GIGYF2: variants seen among roughly 807,000 people sequenced by gnomAD.
GIGYF2 encodes GRB10-interacting GYF protein 2.
A neutral mutation model predicts 208.1 loss-of-function variants in GIGYF2; 25 were observed. The observed-to-expected ratio is 0.12, with a 90% CI of 0.09 to 0.17. The LOEUF (loss-of-function observed/expected upper bound fraction) is 0.17, where lower values mean the gene tolerates loss of function less well. GIGYF2 is among the 10% of genes least tolerant of loss of function. The pLI is 1.00. For synonymous variants in GIGYF2, 534 were observed against 543.8 expected (o/e 0.98, Z 0.25); for missense variants, 1,302 against 1,579.4 (o/e 0.82, Z 2.98).
intron 20 of GIGYF2, 116 bp from the exon 21 acceptor site, chr2:232,819,711 C>G: frequency 1.5e-6 from 1 of 656,368 alleles, no homozygotes; most frequent in Non-Finnish European, 2.8e-6. Flanking sequence ...TTTATGTTTA[C>G]TGTTTAACAG....
At chr2:232,818,949 TA>T (rs1459130164) in intron 20 of GIGYF2, among the ~76,000 whole-genome samples, 5 of 152,180 alleles carry the variant, frequency 3.3e-5, no homozygotes, top group Non-Finnish European at 7.3e-5. Context: ...CAGCGAGGTA[TA>T]TACTTTTAAT....
rs188332816 is a variant in GIGYF2 at position 232,752,999 on chromosome 2, T to G, written c.268-3224T>G. On this transcript the variant is annotated intron_variant, in intron 5 of 28. Coordinates refer to ENST00000373563, the MANE Select transcript of GIGYF2 (RefSeq NM_001103146.3). The stretch of plus-strand genomic sequence containing the variant: ...TTTTTTGTATTCACTTCAGGGGTGC[T>G]TATGGTGTCTACAACTATCTGTATA... Among the ~76,000 whole-genome samples, 7 of 152,278 alleles carry G rather than the reference T, an allele frequency of 4.6e-5. No homozygotes were observed. The East Asian group carries it at 1.3e-3, about 29-fold the overall frequency.
At chr2:232,768,461 A>G (rs1461444332) in intron 8 of GIGYF2, 1 of 1,614,062 alleles carries the variant, frequency 6.2e-7, no homozygotes, top group African/African-American at 1.3e-5. Flanking sequence ...GCATTGCTGA[A>G]AGGAATACAA....
chr2:232,849,583 C>T (rs922486649), intron 27 of GIGYF2, among the ~76,000 whole-genome samples: 1 of 152,136 alleles, frequency 6.6e-6, no homozygotes, highest in East Asian at 1.9e-4. Context: ...GCACGTGCAC[C>T]CATGGGCGCA....
intron 2 of GIGYF2, among the ~76,000 whole-genome samples, chr2:232,711,944 C>T (rs1360791934): frequency 1.3e-5 from 2 of 149,944 alleles, no homozygotes; most frequent in Admixed American, 1.3e-4. Context: ...AATATAAAAT[C>T]CATTTGTCTA....
intron 8 of GIGYF2, among the ~76,000 whole-genome samples, chr2:232,772,270 C>T (rs1047977794): frequency 2.0e-5 from 3 of 152,022 alleles, no homozygotes; most frequent in African/African-American, 4.8e-5. Flanking sequence ...CAACCATGTT[C>T]GTGGATTCTT....
intron 2 of GIGYF2, among the ~76,000 whole-genome samples, chr2:232,720,715 C>G (rs1574792860): frequency 6.6e-6 from 1 of 152,094 alleles, no homozygotes; most frequent in East Asian, 1.9e-4. Flanking sequence ...CTGCCTCAGC[C>G]TCCTGAATAG....
At chr2:232,753,097 G>GTATTTATT (rs58602448) in intron 5 of GIGYF2, among the ~76,000 whole-genome samples, 9,039 of 143,294 alleles carry the variant, frequency 0.063, 382 homozygotes, top group Non-Finnish European at 0.081. Context: ...ACACTTGACA[G>GTATTTATT]TATTTATTTA....
chr2:232,723,983 C>T (rs1697069686), intron 2 of GIGYF2, among the ~76,000 whole-genome samples: 1 of 151,522 alleles, frequency 6.6e-6, no homozygotes, highest in Admixed American at 6.6e-5. Flanking sequence ...ATACGCCTGC[C>T]TCGGCCTCCG....
chr2:232,775,634 A>T (rs906446958), intron 8 of GIGYF2, among the ~76,000 whole-genome samples: 1 of 152,194 alleles, frequency 6.6e-6, no homozygotes, highest in Non-Finnish European at 1.5e-5. Flanking sequence ...TGGAGGAAAA[A>T]TAGTACCTAT....
intron 6 of GIGYF2, among the ~76,000 whole-genome samples, chr2:232,758,642 A>G (rs1448324954): frequency 6.6e-6 from 1 of 152,212 alleles, no homozygotes; most frequent in Non-Finnish European, 1.5e-5. Context: ...TATCATTAGC[A>G]GGACCGGTGT....
At chr2:232,833,690 A>G (rs1701493686) in intron 22 of GIGYF2, among the ~76,000 whole-genome samples, 1 of 152,196 alleles carries the variant, frequency 6.6e-6, no homozygotes, top group South Asian at 2.1e-4. Context: ...CGCTGCTGAG[A>G]CAAACATAAA....
At chr2:232,850,230 G>A in intron 27 of GIGYF2, 32 bp from the exon 28 acceptor site, 1 of 1,599,418 alleles carries the variant, frequency 6.3e-7, no homozygotes, top group Non-Finnish European at 8.6e-7. Flanking sequence ...TGAATCTGCT[G>A]TGTAATCTCA....
chr2:232,852,714 T>G (rs905345340), intron 28 of GIGYF2, among the ~76,000 whole-genome samples: 6 of 152,142 alleles, frequency 3.9e-5, no homozygotes, highest in African/African-American at 1.4e-4. Flanking sequence ...CAGCCTGAAA[T>G]TTTTTCCAAT....
chr2:232,821,665 T>C (rs974738611), intron 21 of GIGYF2, among the ~76,000 whole-genome samples: 6 of 152,202 alleles, frequency 3.9e-5, no homozygotes, highest in Non-Finnish European at 7.3e-5. Context: ...GGGGATCTTT[T>C]GATAAGCAGA....
At position 232,794,694 on chromosome 2, in the gene GIGYF2, C is replaced by G. The variant is rs978311018; in HGVS notation, c.1283-54C>G. On this transcript the variant is annotated intron_variant, in intron 12 of 28. Transcript: ENST00000373563. ...TGTGCGACTTGATAATGTAGTTAGC[C>G]TTCACAGAAGTCTCTGTATTTCAAA... 1.8e-5 allele frequency: 24 copies of G among 1,367,848 alleles called. No individual in the cohort carries two copies. The Admixed American group carries it at 3.2e-4, about 18-fold the overall frequency. The allele number at this position is 1,367,848 out of a possible 1,614,324, so 84.7% of individuals were successfully genotyped here.
chr2:232,732,935 GT>G (rs1697567809), intron 2 of GIGYF2, among the ~76,000 whole-genome samples: 1 of 151,378 alleles, frequency 6.6e-6, no homozygotes, highest in Admixed American at 6.6e-5. Context: ...CGGCAGTTAT[GT>G]TTTCTTTGAA....
intron 19 of GIGYF2, among the ~76,000 whole-genome samples, chr2:232,816,211 C>G (rs905733265): frequency 6.6e-6 from 1 of 152,284 alleles, no homozygotes; most frequent in Admixed American, 6.5e-5. Context: ...TTTGGAAGAG[C>G]TAAATCTTGA....
At chr2:232,714,619 C>G (rs1221073333) in intron 2 of GIGYF2, among the ~76,000 whole-genome samples, 1 of 152,148 alleles carries the variant, frequency 6.6e-6, no homozygotes, top group Non-Finnish European at 1.5e-5. Context: ...ACTGATGTAA[C>G]TGTTACTGTA....
Sources: allele counts gnomAD v4.1 joint callset (sites outside exome capture counted in the v4.1 genomes callset), GRCh38; gene constraint gnomAD v4.1.1; transcripts MANE v1.5; gene names NCBI Gene and HGNC (gene_info 2026-07-23, HGNC 2026-07-21).